Variants in SHANK1 observed in about 807,000 individuals in gnomAD.
The protein encoded by SHANK1 is SH3 and multiple ankyrin repeat domains 1.
SHANK1 carries 35 observed loss-of-function variants against 165.6 expected under a neutral mutation model. The observed-to-expected ratio is 0.21, with a 90% CI of 0.16 to 0.28. The LOEUF is 0.28. Among genes scored for constraint, SHANK1 ranks in the 10% least tolerant of loss-of-function variants. The probability of loss-of-function intolerance (pLI) is 1.00; values close to 1 mark genes in which losing one functional copy is unlikely to be tolerated. For synonymous variants in SHANK1, 1,428 were observed against 1,384.8 expected (o/e 1.03, Z -0.69); for missense variants, 2,681 against 3,036.4 (o/e 0.88, Z 2.75).
At chr19:50,705,686 C>T (rs956933921) in intron 8 of SHANK1, among the ~76,000 whole-genome samples, 7 of 152,134 alleles carry the variant, frequency 4.6e-5, no homozygotes, top group African/African-American at 1.7e-4. Flanking sequence ...GCCAAGTGTC[C>T]CCTGGGAGAC....
At chr19:50,715,310 T>A (rs1873983336) in intron 4 of SHANK1, among the ~76,000 whole-genome samples, 1 of 151,540 alleles carries the variant, frequency 6.6e-6, no homozygotes, top group Non-Finnish European at 1.5e-5. Context: ...AGTGTCAGGG[T>A]CCTAGGCCAA....
rs67938945 is a variant in SHANK1 at position 50,714,690 on chromosome 19, C to CAAA, written c.532-403_532-401dup. 3.7e-4 allele frequency among the ~76,000 whole-genome samples: 38 copies of CAAA among 103,046 alleles called. 1 individual carries two copies. The highest frequency in any genetic ancestry group is 7.8e-4 in the African/African-American group (23 of 29,480). The allele number at this position is 103,046 out of a possible 152,430, so 67.6% of individuals were successfully genotyped here. A position where few individuals can be genotyped will look rare whatever the true frequency, so the allele number is the denominator to read the frequency against. ...CGGGTGACAGAGCAAGACCCCGTCT[C>CAAA]AAAAAAAAAAAAAAAAAAAATCAGG... On this transcript the variant is annotated intron_variant, in intron 4 of 23. Coordinates refer to ENST00000293441, the MANE Select transcript of SHANK1 (RefSeq NM_016148.5).
At chr19:50,698,983 T>C (rs567847288) in intron 12 of SHANK1, among the ~76,000 whole-genome samples, 28 of 152,348 alleles carry the variant, frequency 1.8e-4, no homozygotes, top group African/African-American at 6.7e-4. Flanking sequence ...TGTTTTTCCA[T>C]TTTATAGACA....
At position 50,669,174 on chromosome 19, in the gene SHANK1, G is replaced by T; in HGVS notation, c.2786C>A (p.Pro929Gln). Residue 929 changes from proline (P) to glutamine (Q), a missense_variant, in exon 23 of 24, where the codon CCG becomes CAG. Pro to Gln is a moderately conservative substitution (Grantham distance 76). Transcript: ENST00000293441. ...TGGAGGTGTGCTGTAGGGAGGCTCC[G>T]GTGGGGACGTGGTGGGTGGCGGGGG... The part of the protein sequence containing the change: ...DIPPPPTTSP[P>Q]EPPYSTPPVP... 1.3e-6 allele frequency: 2 copies of T among 1,599,006 alleles called. No individual in the cohort carries two copies.
At chr19:50,712,214 C>A (rs571565901) in intron 6 of SHANK1, 100 bp from the exon 7 acceptor site, 10 of 1,226,588 alleles carry the variant, frequency 8.2e-6, no homozygotes, top group African/African-American at 7.6e-5. Flanking sequence ...TCCTGGGTGA[C>A]CTACAGTGGC....
At chr19:50,664,368 C>A (rs892500491) in intron 23 of SHANK1, among the ~76,000 whole-genome samples, 6 of 152,192 alleles carry the variant, frequency 3.9e-5, no homozygotes, top group Admixed American at 6.5e-5. Context: ...TGCGACGATG[C>A]AGCTGACTGG....
At position 50,662,956 on chromosome 19, in the gene SHANK1, A is replaced by C; in HGVS notation, c.5769-274T>G. Reference sequence around the variant, plus strand: ...AAAGAGACATTAAGTGATAATAATAATAATCGTCACCGCTTACTGATGCTC... The same window carrying C: ...AAAGAGACATTAAGTGATAATAATACTAATCGTCACCGCTTACTGATGCTC... On this transcript the variant is annotated intron_variant, in intron 23 of 23. Transcript: ENST00000293441. This position sits in a 1 kb window ranked among gnomAD's most constrained non-coding sequence, Gnocchi z 7.7. 5 of 487,848 alleles carry C rather than the reference A, an allele frequency of 1.0e-5. No individual in the cohort carries two copies. The highest frequency in any genetic ancestry group is 3.6e-5 in the Admixed American group (1 of 27,554). The allele number at this position is 487,848 out of a possible 1,614,324, so 30.2% of individuals were successfully genotyped here.
Position 50,702,831 on chromosome 19 carries a change from C to T in SHANK1, c.1554-171G>A, listed in dbSNP as rs1041933292. ...CATTTGGGGGCTCCCTCTGCCTGCC[C>T]GCAGCTGCCCCAACCAGCCCCCTCT... On this transcript the variant is annotated intron_variant, in intron 11 of 23. Coordinates refer to ENST00000293441, the MANE Select transcript of SHANK1 (RefSeq NM_016148.5). This position sits in a 1 kb window ranked among gnomAD's most constrained non-coding sequence, Gnocchi z 5.3. Among the ~76,000 whole-genome samples the T allele has an allele frequency of 9.2e-5, 14 of 151,842 alleles. No individual in the cohort carries two copies. In the East Asian group the frequency reaches 1.4e-3, roughly 15 times the overall value.
intron 6 of SHANK1, among the ~76,000 whole-genome samples, chr19:50,712,828 C>G (rs547954434): frequency 1.3e-5 from 2 of 152,350 alleles, no homozygotes; most frequent in East Asian, 3.9e-4. Flanking sequence ...AGCACTTGAA[C>G]GTGGCTAGTG....
At position 50,660,871 on chromosome 19, in the gene SHANK1, G is replaced by A. The variant is rs770181733; in HGVS notation, c.*1094C>T. ...AGAATGAGCATGTGTGAGAGAAACA[G>A]TTTCTGGGAGGCAAGTGTGCAAAAG... On this transcript the variant is annotated 3_prime_UTR_variant, in exon 24 of 24. Transcript: ENST00000293441. Among the ~76,000 whole-genome samples the A allele has an allele frequency of 2.0e-5, 3 of 148,326 alleles. No homozygotes were observed. Among genetic ancestry groups the A allele is most frequent in the Admixed American group, 6.9e-5 (1 of 14,476 alleles).
chr19:50,662,413 G>A lies in SHANK1; in HGVS notation c.6038C>T (p.Pro2013Leu). Residue 2013 changes from proline to leucine, a missense_variant, in exon 24 of 24, where the codon CCT (proline) becomes CTT (leucine). Transcript: ENST00000293441. This position sits in a 1 kb window ranked among gnomAD's most constrained non-coding sequence, Gnocchi z 7.7. The part of the protein sequence containing the change: ...LLPASEHKVS[P>L]APRPSSLPIL... ...GGGCAGGGACGAGGGCCTGGGCGCA[G>A]GGCTGACCTTGTGCTCCGAGGCGGG... 1 of 1,566,112 alleles carries A rather than the reference G, an allele frequency of 6.4e-7. No homozygotes were observed. Among genetic ancestry groups the A allele is most frequent in the African/African-American group, 1.3e-5 (1 of 74,084 alleles).
chr19:50,667,656 G>A lies in SHANK1; in HGVS notation c.4304C>T (p.Ala1435Val). The A allele has an allele frequency of 1.4e-6, 2 of 1,403,868 alleles. No individual in the cohort carries two copies. The highest frequency in any genetic ancestry group is 1.6e-5 in the South Asian group (1 of 62,918). 87.0% of individuals were successfully genotyped at this position (1,403,868 alleles called of 1,614,324 possible). The change falls in exon 23 of 24, where the codon GCC becomes GTC. Residue 1435 changes from alanine (A) to valine (V), a missense_variant. This residue lies in a region of SHANK1 where 1,713 missense variants were observed against 1,630.2 expected (regional missense o/e 1.05). Transcript: ENST00000293441. The surrounding 1 kb of genome is among the most constrained non-coding windows in gnomAD (Gnocchi z 5.7). The part of the protein sequence containing the change: ...GLGSQEKSLP[A>V]SPPAARRSLL... ...GGAACGCCGGGCGGCGGGCGGGCTG[G>A]CGGGAAGGGACTTCTCCTGGCTGCC...
In SHANK1 at chr19:50,670,394, T is replaced by A. The variant is rs1030116421; in HGVS notation, c.2675-1109A>T. Reference sequence around the variant, plus strand: ...CTGGGCCAGCCACTATCATTTCCTATCTGGATAGCAATAGCTGTCACCTCC... The same window carrying A: ...CTGGGCCAGCCACTATCATTTCCTAACTGGATAGCAATAGCTGTCACCTCC... On this transcript the variant is annotated intron_variant, in intron 22 of 23. Transcript: ENST00000293441. The surrounding 1 kb of genome is among the most constrained non-coding windows in gnomAD (Gnocchi z 4.1). 3.3e-5 allele frequency among the ~76,000 whole-genome samples: 5 copies of A among 152,176 alleles called. No homozygotes were observed. Among genetic ancestry groups the A allele is most frequent in the Admixed American group, 2.6e-4 (4 of 15,264 alleles).
intron 8 of SHANK1, among the ~76,000 whole-genome samples, chr19:50,707,537 GA>G (rs1386664431): frequency 1.3e-5 from 2 of 150,304 alleles, no homozygotes; most frequent in African/African-American, 2.4e-5. Flanking sequence ...GAGCAGTTAG[GA>G]TTCCAACAAC....
chr19:50,672,607 G>A (rs964294297), intron 21 of SHANK1, among the ~76,000 whole-genome samples: 1 of 150,194 alleles, frequency 6.7e-6, no homozygotes, highest in African/African-American at 2.5e-5. Context: ...GGAATTCTGC[G>A]GGAATGAAAA....
At chr19:50,671,975 T>C in intron 22 of SHANK1, 43 bp downstream of exon 22, 1 of 1,440,576 alleles carries the variant, frequency 6.9e-7, no homozygotes, top group Non-Finnish European at 9.7e-7. Flanking sequence ...GTCACGTTCC[T>C]GGCCTCCCCC....
rs764480756 is a variant in SHANK1, at chr19:50,703,758, G to A, written c.1295C>T (p.Pro432Leu). Residue 432 changes from proline (P) to leucine (L), a missense_variant, in exon 11 of 24, where the codon CCG (proline) becomes CTG (leucine). Physicochemically the swap from Pro to Leu is moderately conservative, Grantham distance 98. Transcript: ENST00000293441. ...GTCACTGTTGGCCCGCAGCAGCGCC[G>A]GGGGCACCGTCAGCCCTGTGCCTGG... is the stretch of plus-strand genomic sequence containing the variant. ...GPPGTGLTVP[P>L]ALLRANSDTS... 36 of 1,427,752 alleles carry A rather than the reference G, an allele frequency of 2.5e-5. No homozygotes were observed. The highest frequency in any genetic ancestry group is 8.7e-5 in the Admixed American group (3 of 34,494). 88.4% of individuals were successfully genotyped at this position (1,427,752 alleles called of 1,614,324 possible).
At position 50,718,310 on chromosome 19, in the gene SHANK1, G is replaced by A. The variant is rs1317168230; in HGVS notation, c.-44+1096C>T. On this transcript the variant is annotated intron_variant, in intron 1 of 23. Transcript: ENST00000293441. This position sits in a 1 kb window ranked among gnomAD's most constrained non-coding sequence, Gnocchi z 5.1. ...CCCACCTCGTCCCTGCGGAGACCCC[G>A]GCTGCCTCCTCCCTGCCCCGCCGCA... 1.3e-5 allele frequency among the ~76,000 whole-genome samples: 2 copies of A among 148,602 alleles called. No homozygotes were observed. The highest frequency in any genetic ancestry group is 2.5e-5 in the African/African-American group (1 of 40,452).
At chr19:50,705,799 CCAA>C (rs2123182451) in intron 8 of SHANK1, among the ~76,000 whole-genome samples, 1 of 152,256 alleles carries the variant, frequency 6.6e-6, no homozygotes, top group East Asian at 1.9e-4. Flanking sequence ...ATTGAATTGC[CCAA>C]CAATTCCAGG....
Sources: gnomAD v4.1 joint callset for allele counts (sites outside exome capture counted in the v4.1 genomes callset) on GRCh38, gnomAD v4.1.1 for gene constraint, gnomAD v4.1.1 regional missense constraint, Gnocchi (gnomAD v3.1) non-coding constraint, MANE v1.5 for transcripts, NCBI Gene and HGNC (gene_info 2026-07-23, HGNC 2026-07-21) for gene names.